The following DYNC1H1 variants were observed in gnomAD, a reference collection of about 807,000 sequenced individuals.
DYNC1H1 encodes dynein cytoplasmic 1 heavy chain 1, also known as cytoplasmic dynein 1 heavy chain 1.
DYNC1H1 carries 51 observed loss-of-function variants against 527.1 expected under a neutral mutation model. That is an observed-to-expected ratio of 0.10 (90% CI 0.08 to 0.12). The LOEUF (loss-of-function observed/expected upper bound fraction) is 0.12, where lower values mean the gene tolerates loss of function less well. Among genes scored for constraint, DYNC1H1 ranks in the 10% least tolerant of loss-of-function variants. DYNC1H1 has a pLI of 1.00. For missense variants in DYNC1H1, 2,771 were observed against 5,971.8 expected (o/e 0.46, Z 17.66); for synonymous variants, 2,189 against 2,278.8 (o/e 0.96, Z 1.12).
At chr14:102,046,826 T>A (rs1300938774) in intron 72 of DYNC1H1, among the ~76,000 whole-genome samples, 1 of 148,844 alleles carries the variant, frequency 6.7e-6, no homozygotes, top group African/African-American at 2.5e-5. Context: ...TGAGACTGAG[T>A]CTTGCTCTGT....
intron 28 of DYNC1H1, 115 bp from the exon 29 acceptor site, chr14:102,008,063 T>C: frequency 1.3e-6 from 2 of 1,496,950 alleles, no homozygotes; most frequent in South Asian, 1.1e-5. Flanking sequence ...GCTCTTTCGC[T>C]AAAGACAAAC....
chr14:101,970,479 T>TG (rs2047723072), intron 1 of DYNC1H1, among the ~76,000 whole-genome samples: 1 of 120,178 alleles, frequency 8.3e-6, no homozygotes, highest in African/African-American at 3.6e-5. Context: ...TGTTGTTTTT[T>TG]TTTTTTTTTT....
In DYNC1H1 at chr14:102,005,981, C is replaced by A; in HGVS notation, c.5527C>A (p.Arg1843=). 6.2e-7 allele frequency: 1 copy of A among 1,614,226 alleles called. No individual in the cohort carries two copies. Among genetic ancestry groups the A allele is most frequent in the Non-Finnish European group, 8.5e-7 (1 of 1,180,040 alleles). ...AKSFEWLSQM[R]FYFDPKQTDV... Reference sequence around the variant, plus strand: ...ATCTTTTGAATGGCTCAGCCAGATGCGATTTTACTTTGACCCTAAGCAAAC... The same window carrying A: ...ATCTTTTGAATGGCTCAGCCAGATGAGATTTTACTTTGACCCTAAGCAAAC... Residue 1843 remains arginine (R), a synonymous_variant, in exon 27 of 78, where the codon CGA becomes AGA. Coordinates refer to ENST00000360184, the MANE Select transcript of DYNC1H1 (RefSeq NM_001376.5). This position sits in a 1 kb window ranked among gnomAD's most constrained non-coding sequence, Gnocchi z 4.0.
At position 102,039,577 on chromosome 14, in the gene DYNC1H1, G is replaced by T. The variant is rs17541512; in HGVS notation, c.11595+31G>T. 46 of 1,613,898 alleles carry T rather than the reference G, an allele frequency of 2.9e-5. No individual in the cohort carries two copies. The highest frequency in any genetic ancestry group is 8.8e-5 in the South Asian group (8 of 91,050). Reference sequence around the variant, plus strand: ...GTGAGGTCCTCAGCCGCTCCCTGGCGGGGGGGAAGCAGGGTGCTGCTTCTC... The same window carrying T: ...GTGAGGTCCTCAGCCGCTCCCTGGCTGGGGGGAAGCAGGGTGCTGCTTCTC... On this transcript the variant is annotated intron_variant, in intron 61 of 77. Coordinates refer to ENST00000360184, the MANE Select transcript of DYNC1H1 (RefSeq NM_001376.5). This position sits in a 1 kb window ranked among gnomAD's most constrained non-coding sequence, Gnocchi z 7.0.
At position 101,997,841 on chromosome 14, in the gene DYNC1H1, C is replaced by T. The variant is rs1400498646; in HGVS notation, c.3804+567C>T. On this transcript the variant is annotated intron_variant, in intron 16 of 77. Coordinates refer to ENST00000360184, the MANE Select transcript of DYNC1H1 (RefSeq NM_001376.5). The surrounding 1 kb of genome is among the most constrained non-coding windows in gnomAD (Gnocchi z 4.8). Reference sequence around the variant, plus strand: ...GAAAAGGACAAGAGCCTCCTACCTTCATGGAATCACGCTCCGTGGGAGAGA... The same window carrying T: ...GAAAAGGACAAGAGCCTCCTACCTTTATGGAATCACGCTCCGTGGGAGAGA... Among the ~76,000 whole-genome samples the T allele has an allele frequency of 1.3e-5, 2 of 152,182 alleles. No individual in the cohort carries two copies. Among genetic ancestry groups the T allele is most frequent in the East Asian group, 3.9e-4 (2 of 5,194 alleles).
In DYNC1H1 at chr14:102,049,346, G is replaced by A. The variant is rs1595637329; in HGVS notation, c.13373-94G>A. The A allele has an allele frequency of 6.3e-7, 1 of 1,584,506 alleles. No homozygotes were observed. Among genetic ancestry groups the A allele is most frequent in the East Asian group, 2.2e-5 (1 of 44,622 alleles). ...GTGGAGCCGCCAGCCGCCTGTGTGG[G>A]CAGCCAGGATGCCTAGCACTTGCAC... On this transcript the variant is annotated intron_variant, in intron 74 of 77. Coordinates refer to ENST00000360184, the MANE Select transcript of DYNC1H1 (RefSeq NM_001376.5). This position sits in a 1 kb window ranked among gnomAD's most constrained non-coding sequence, Gnocchi z 5.5.
At chr14:101,967,615 G>A (rs746359187) in intron 1 of DYNC1H1, among the ~76,000 whole-genome samples, 2 of 152,170 alleles carry the variant, frequency 1.3e-5, no homozygotes, top group Non-Finnish European at 2.9e-5. Flanking sequence ...CAAGGCAGGA[G>A]GATCACTTGA....
chr14:102,015,260 G>C lies in DYNC1H1; in HGVS notation c.7170G>C (p.Gly2390=). 6.2e-7 allele frequency: 1 copy of C among 1,614,228 alleles called. No homozygotes were observed. The highest frequency in any genetic ancestry group is 8.5e-7 in the Non-Finnish European group (1 of 1,180,038). Residue 2390 remains glycine (G), a synonymous_variant, in exon 35 of 78, where the codon GGG becomes GGC. Coordinates refer to ENST00000360184, the MANE Select transcript of DYNC1H1 (RefSeq NM_001376.5). The surrounding 1 kb of genome is among the most constrained non-coding windows in gnomAD (Gnocchi z 6.9). ...TGCGCAGCATCCCGCTGGATGAAGG[G>C]GAGGATGAGGCACAGCGGCGGCGTA... ...ARLRSIPLDE[G]EDEAQRRRKG...
chr14:102,021,904 G>T (rs561748872), intron 42 of DYNC1H1, among the ~76,000 whole-genome samples: 4 of 151,924 alleles, frequency 2.6e-5, no homozygotes, highest in Non-Finnish European at 5.9e-5. Flanking sequence ...AAAGTGATCC[G>T]CCTGCCTCTG....
intron 51 of DYNC1H1, among the ~76,000 whole-genome samples, chr14:102,031,647 GTAAAATATTTTTT>G (rs753377908): frequency 1.3e-5 from 2 of 150,940 alleles, no homozygotes; most frequent in Admixed American, 1.3e-4. Context: ...AAAATATTTT[GTAAAATATTTTTT>G]TAAAATATTT....
chr14:102,033,369 T>C lies in DYNC1H1; in HGVS notation c.10298T>C (p.Val3433Ala). The change falls in exon 54 of 78, where the codon GTG becomes GCG. Residue 3433 changes from valine (V) to alanine (A), a missense_variant. By Grantham distance (64) the Val-to-Ala change is moderately conservative. Around this residue, in one of 32 missense-constraint regions of DYNC1H1, gnomAD observed 283 missense variants for 737.6 expected, o/e 0.38. Coordinates refer to ENST00000360184, the MANE Select transcript of DYNC1H1 (RefSeq NM_001376.5). This position sits in a 1 kb window ranked among gnomAD's most constrained non-coding sequence, Gnocchi z 5.6. ...GACAACCAGCAGAAGGCCAACGAGG[T>C]GGAGCAGATGATCCGAGACCTGGAA... is the stretch of plus-strand genomic sequence containing the variant. ...AKDNQQKANE[V>A]EQMIRDLEAS... 1 of 1,613,946 alleles carries C rather than the reference T, an allele frequency of 6.2e-7. No individual in the cohort carries two copies. The highest frequency in any genetic ancestry group is 8.5e-7 in the Non-Finnish European group (1 of 1,180,002).
rs1456414075 is a variant in DYNC1H1, at chr14:102,005,485, T to C, written c.5433+249T>C. On this transcript the variant is annotated intron_variant, in intron 26 of 77. Transcript: ENST00000360184. This position sits in a 1 kb window ranked among gnomAD's most constrained non-coding sequence, Gnocchi z 4.0. The stretch of plus-strand genomic sequence containing the variant: ...ATCAACCTTGGTCAGGATCTCTTGC[T>C]CTTTCCTGTCATCTCCCCAGAGAGG... Among the ~76,000 whole-genome samples, 1 of 152,194 alleles carries C rather than the reference T, an allele frequency of 6.6e-6. No homozygotes were observed. Among genetic ancestry groups the C allele is most frequent in the Non-Finnish European group, 1.5e-5 (1 of 68,036 alleles).
At position 102,049,254 on chromosome 14, in the gene DYNC1H1, C is replaced by A; in HGVS notation, c.13373-186C>A. On this transcript the variant is annotated intron_variant, in intron 74 of 77. Coordinates refer to ENST00000360184, the MANE Select transcript of DYNC1H1 (RefSeq NM_001376.5). The surrounding 1 kb of genome is among the most constrained non-coding windows in gnomAD (Gnocchi z 5.5). The stretch of plus-strand genomic sequence containing the variant: ...GTTCTGAGACATGCTCTGGACCAGC[C>A]TGAGCTAGAGCAGATGTGGTGAGGG... The A allele has an allele frequency of 1.3e-6, 1 of 762,088 alleles. No homozygotes were observed. Among genetic ancestry groups the A allele is most frequent in the Non-Finnish European group, 2.2e-6 (1 of 456,070 alleles). The allele number at this position is 762,088 out of a possible 1,614,324, so 47.2% of individuals were successfully genotyped here.
At position 101,986,764 on chromosome 14, in the gene DYNC1H1, G is replaced by A; in HGVS notation, c.2538+1G>A. 1 of 1,614,140 alleles carries A rather than the reference G, an allele frequency of 6.2e-7. No individual in the cohort carries two copies. ...GACTGTCTTCAACTTCCAAGAAAAG[G>A]TATGCTCTCATGTAATCCTCAGGTG... On this transcript the variant is annotated splice_donor_variant, in intron 8 of 77. Coordinates refer to ENST00000360184, the MANE Select transcript of DYNC1H1 (RefSeq NM_001376.5). LOFTEE classifies it high-confidence loss of function. The surrounding 1 kb of genome is among the most constrained non-coding windows in gnomAD (Gnocchi z 8.7).
intron 13 of DYNC1H1, 66 bp downstream of exon 13, chr14:101,994,915 A>G: frequency 6.2e-7 from 1 of 1,613,644 alleles, no homozygotes. Context: ...TGTTAGACTG[A>G]TATTCATTTG....
Position 102,038,189 on chromosome 14 carries a change from G to C in DYNC1H1, c.10909-271G>C, listed in dbSNP as rs1300250810. On this transcript the variant is annotated intron_variant, in intron 57 of 77. Coordinates refer to ENST00000360184, the MANE Select transcript of DYNC1H1 (RefSeq NM_001376.5). This position sits in a 1 kb window ranked among gnomAD's most constrained non-coding sequence, Gnocchi z 7.2. Reference sequence around the variant, plus strand: ...AGATGGAGTTTCACCATGTTGGCCAGTCTGGTCTCGAACTCCTGACCTCAA... The same window carrying C: ...AGATGGAGTTTCACCATGTTGGCCACTCTGGTCTCGAACTCCTGACCTCAA... 8.6e-6 allele frequency: 4 copies of C among 466,836 alleles called. No individual in the cohort carries two copies. Among genetic ancestry groups the C allele is most frequent in the Non-Finnish European group, 1.6e-5 (4 of 251,438 alleles). The allele number at this position is 466,836 out of a possible 1,614,324, so 28.9% of individuals were successfully genotyped here. A position where few individuals can be genotyped will look rare whatever the true frequency, so the allele number is the denominator to read the frequency against.
intron 28 of DYNC1H1, among the ~76,000 whole-genome samples, chr14:102,007,757 T>C (rs1223942892): frequency 6.6e-6 from 1 of 152,204 alleles, no homozygotes; most frequent in Non-Finnish European, 1.5e-5. Context: ...TATGGTAGTC[T>C]GCTCAGGCCA....
Position 101,980,358 on chromosome 14 carries a change from T to G in DYNC1H1, c.775-6T>G, listed in dbSNP as rs754741317. The G allele has an allele frequency of 6.2e-7, 1 of 1,614,048 alleles. No homozygotes were observed. The highest frequency in any genetic ancestry group is 8.5e-7 in the Non-Finnish European group (1 of 1,180,036). On this transcript the variant is annotated splice_region_variant and splice_polypyrimidine_tract_variant and intron_variant, in intron 4 of 77. Transcript: ENST00000360184. ...AATACCCTTGGGTGTTATTTTATTT[T>G]CAAAGGTGACCAAACTGGATCGAGA...
Position 102,053,484 on chromosome 14 carries a change from T to C in DYNC1H1, c.*2921T>C, listed in dbSNP as rs1339040265. The C allele has an allele frequency of 6.6e-6, 1 of 151,824 alleles. No individual in the cohort carries two copies. 9.4% of individuals were successfully genotyped at this position (151,824 alleles called of 1,614,324 possible). On this transcript the variant is annotated 3_prime_UTR_variant, in exon 78 of 78. Transcript: ENST00000360184. Reference sequence around the variant, plus strand: ...TTTTTTAAAAAACTGAGTCTCGCACTGTTGTCCAGGCTGGAGTGCAGTGGC... The same window carrying C: ...TTTTTTAAAAAACTGAGTCTCGCACCGTTGTCCAGGCTGGAGTGCAGTGGC...
Sources: gnomAD v4.1 joint callset for allele counts (sites outside exome capture counted in the v4.1 genomes callset) on GRCh38, gnomAD v4.1.1 for gene constraint, gnomAD v4.1.1 regional missense constraint, Gnocchi (gnomAD v3.1) non-coding constraint, MANE v1.5 for transcripts, NCBI Gene and HGNC (gene_info 2026-07-23, HGNC 2026-07-21) for gene names.